The following NUDCD1 variants were observed in gnomAD, a reference collection of about 807,000 sequenced individuals.
The protein encoded by NUDCD1 is NudC domain containing 1, also known as nudC domain-containing protein 1.
A neutral mutation model predicts 67.8 loss-of-function variants in NUDCD1; 60 were observed. The ratio of observed to expected loss-of-function variants is 0.88; its 90% CI spans 0.72 to 1.10. The LOEUF (loss-of-function observed/expected upper bound fraction) is 1.10. Ranked by LOEUF, NUDCD1 falls within the 50% of genes least tolerant of loss-of-function variation. NUDCD1 has a pLI of 0.00. For missense variants in NUDCD1, 643 were observed against 695.0 expected (o/e 0.93, Z 0.84); for synonymous variants, 244 against 230.8 (o/e 1.06, Z -0.52).
intron 4 of NUDCD1, among the ~76,000 whole-genome samples, chr8:109,292,494 T>C (rs1003902154): frequency 1.5e-4 from 23 of 152,172 alleles, no homozygotes; most frequent in Non-Finnish European, 1.3e-4. Context: ...TAACAGTCTT[T>C]ACTGAATTGC....
In NUDCD1 at chr8:109,301,253, C is replaced by T. The variant is rs1009941906; in HGVS notation, c.274-4684G>A. Among the ~76,000 whole-genome samples the T allele has an allele frequency of 3.1e-4, 47 of 152,284 alleles. 1 individual carries two copies. The highest frequency in any genetic ancestry group is 6.8e-3 in the Middle Eastern group (2 of 294). On this transcript the variant is annotated intron_variant, in intron 2 of 9. Coordinates refer to ENST00000239690, the MANE Select transcript of NUDCD1 (RefSeq NM_032869.4). The stretch of plus-strand genomic sequence containing the variant: ...CCTAACTGATAGGATATATTCTCCC[C>T]GATCCTTAAGAAGGTACTTTGTAAT...
chr8:109,270,082 G>C lies in NUDCD1; in HGVS notation c.1299+923C>G, dbSNP rs1814106585. Among the ~76,000 whole-genome samples, 57 of 38,436 alleles carry C rather than the reference G, an allele frequency of 1.5e-3. 2 individuals carry two copies. Among genetic ancestry groups the C allele is most frequent in the African/African-American group, 7.7e-3 (55 of 7,114 alleles). 25.2% of individuals were successfully genotyped at this position (38,436 alleles called of 152,430 possible). On this transcript the variant is annotated intron_variant, in intron 8 of 9. Transcript: ENST00000239690. ...GTGGCGGGGGCGGGGGGGGGGGGGGGTGCCTTAAGGTGGGGTGTGAAATAT... is the reference window on the plus strand; with the variant it reads ...GTGGCGGGGGCGGGGGGGGGGGGGGCTGCCTTAAGGTGGGGTGTGAAATAT...
intron 2 of NUDCD1, among the ~76,000 whole-genome samples, chr8:109,303,615 C>G (rs933614229): frequency 7.0e-6 from 1 of 142,398 alleles, no homozygotes; most frequent in Admixed American, 7.1e-5. Flanking sequence ...TATTCCTAGG[C>G]TACAGCCACC....
intron 2 of NUDCD1, among the ~76,000 whole-genome samples, chr8:109,320,082 C>A (rs561321315): frequency 6.6e-6 from 1 of 152,096 alleles, no homozygotes; most frequent in African/African-American, 2.4e-5. Flanking sequence ...AGAGGCAGGG[C>A]GAGATCACAA....
chr8:109,286,314 C>T (rs1198332014), intron 5 of NUDCD1, among the ~76,000 whole-genome samples: 2 of 152,022 alleles, frequency 1.3e-5, no homozygotes, highest in South Asian at 2.1e-4. Flanking sequence ...TTCTAAAATT[C>T]GTACGGATCC....
In NUDCD1 at chr8:109,333,892, C is replaced by A. The variant is rs1191573388; in HGVS notation, c.118+1G>T. The A allele has an allele frequency of 5.0e-6, 8 of 1,614,098 alleles. No individual in the cohort carries two copies. The highest frequency in any genetic ancestry group is 5.9e-6 in the Non-Finnish European group (7 of 1,179,962). On this transcript the variant is annotated splice_donor_variant, in intron 1 of 9. Coordinates refer to ENST00000239690, the MANE Select transcript of NUDCD1 (RefSeq NM_032869.4). LOFTEE classifies it high-confidence loss of function. ...GTACGAAGGGCGCCGCCGCTTCCCACCTGCGTCAAGCTCCAGCTGGTAACA... is the reference window on the plus strand; with the variant it reads ...GTACGAAGGGCGCCGCCGCTTCCCAACTGCGTCAAGCTCCAGCTGGTAACA...
rs1404994396 is a variant in NUDCD1 at position 109,242,465 on chromosome 8, G to GCTATAC, written c.*543_*544insGTATAG. On this transcript the variant is annotated 3_prime_UTR_variant, in exon 10 of 10. Transcript: ENST00000239690. ...TCTGTGGCAGAGCAACTGGCTAAAA[G>GCTATAC]TTACATAAAGCTATACTTAATTTGA... 1.6e-5 allele frequency: 4 copies of GCTATAC among 242,432 alleles called. No individual in the cohort carries two copies. The highest frequency in any genetic ancestry group is 3.1e-5 in the Non-Finnish European group (4 of 128,162). 15.0% of individuals were successfully genotyped at this position (242,432 alleles called of 1,614,324 possible). A position where few individuals can be genotyped will look rare whatever the true frequency, so the allele number is the denominator to read the frequency against.
intron 2 of NUDCD1, among the ~76,000 whole-genome samples, chr8:109,318,853 A>G (rs574662906): frequency 6.6e-6 from 1 of 152,204 alleles, no homozygotes; most frequent in African/African-American, 2.4e-5. Context: ...GCTATTATCC[A>G]TTCAACAAAT....
At chr8:109,310,238 C>A (rs1165371981) in intron 2 of NUDCD1, among the ~76,000 whole-genome samples, 1 of 152,052 alleles carries the variant, frequency 6.6e-6, no homozygotes, top group Non-Finnish European at 1.5e-5. Context: ...ACCATAGTCA[C>A]CAAAACAGCA....
At chr8:109,325,259 T>C (rs1815652390) in intron 1 of NUDCD1, among the ~76,000 whole-genome samples, 1 of 152,060 alleles carries the variant, frequency 6.6e-6, no homozygotes, top group African/African-American at 2.4e-5. Flanking sequence ...TTAAAAGGAT[T>C]AAGTTCTCAT....
rs1469264038 is a variant in NUDCD1, at chr8:109,243,298, T to C, written c.1463A>G (p.Tyr488Cys). Residue 488 changes from tyrosine (Y) to cysteine (C), a missense_variant, in exon 10 of 10, where the codon TAT becomes TGT. Physicochemically the swap from Tyr to Cys is radical, Grantham distance 194. Coordinates refer to ENST00000239690, the MANE Select transcript of NUDCD1 (RefSeq NM_032869.4). ...EHIATFNALG[Y>C]VQASKRDKKF... is the part of the protein sequence containing the mutation. ...TTTGTCTCTCTTTGATGCTTGGACA[T>C]AGCCTGCCAAGAATATGAGACAAAC... The C allele has an allele frequency of 6.4e-7, 1 of 1,574,538 alleles. No individual in the cohort carries two copies. The highest frequency in any genetic ancestry group is 8.7e-7 in the Non-Finnish European group (1 of 1,155,374).
intron 6 of NUDCD1, among the ~76,000 whole-genome samples, chr8:109,279,162 T>C (rs1357310316): frequency 6.6e-6 from 1 of 152,102 alleles, no homozygotes; most frequent in Non-Finnish European, 1.5e-5. Context: ...AGATTAAAAA[T>C]AGGTATATGT....
intron 7 of NUDCD1, among the ~76,000 whole-genome samples, chr8:109,273,424 C>G (rs936853971): frequency 6.6e-6 from 1 of 151,966 alleles, no homozygotes; most frequent in African/African-American, 2.4e-5. Context: ...TACAGTAGTG[C>G]TTAGAAGGAT....
intron 1 of NUDCD1, among the ~76,000 whole-genome samples, chr8:109,322,695 G>A (rs575808241): frequency 4.6e-5 from 7 of 152,114 alleles, no homozygotes; most frequent in East Asian, 1.9e-4. Flanking sequence ...AGAATACAGC[G>A]GCCACAGGAG....
chr8:109,298,190 C>A (rs990135000), intron 2 of NUDCD1, among the ~76,000 whole-genome samples: 3 of 152,122 alleles, frequency 2.0e-5, no homozygotes, highest in African/African-American at 7.2e-5. Flanking sequence ...TGATCTAAAA[C>A]CACAAGCAAG....
intron 8 of NUDCD1, among the ~76,000 whole-genome samples, chr8:109,263,716 G>A (rs536153003): frequency 6.6e-6 from 1 of 152,262 alleles, no homozygotes; most frequent in South Asian, 2.1e-4. Flanking sequence ...ACCCTATTGG[G>A]TTGGGGAGGG....
At chr8:109,296,840 G>C (rs945291231) in intron 2 of NUDCD1, among the ~76,000 whole-genome samples, 2 of 152,184 alleles carry the variant, frequency 1.3e-5, no homozygotes, top group Admixed American at 6.5e-5. Context: ...AGGGTGGCTA[G>C]CTACCATGCT....
intron 2 of NUDCD1, among the ~76,000 whole-genome samples, chr8:109,312,630 T>A (rs894738835): frequency 6.6e-6 from 1 of 152,106 alleles, no homozygotes; most frequent in African/African-American, 2.4e-5. Flanking sequence ...AAGGAAAAAC[T>A]GTGCCAATAA....
chr8:109,314,225 C>T (rs1815332211), intron 2 of NUDCD1, among the ~76,000 whole-genome samples: 2 of 152,126 alleles, frequency 1.3e-5, no homozygotes, highest in African/African-American at 2.4e-5. Context: ...AATGTAACTA[C>T]GTTCAAGGGC....
Sources: gnomAD v4.1 joint callset for allele counts (sites outside exome capture counted in the v4.1 genomes callset) on GRCh38, gnomAD v4.1.1 for gene constraint, MANE v1.5 for transcripts, NCBI Gene and HGNC (gene_info 2026-07-23, HGNC 2026-07-21) for gene names.